The following GRIK2 variants were observed in gnomAD, a reference collection of about 807,000 sequenced individuals.
GRIK2 encodes the protein glutamate receptor ionotropic, kainate 2.
GRIK2 carries 32 observed loss-of-function variants against 100.3 expected under a neutral mutation model. That is an observed-to-expected ratio of 0.32 (90% CI 0.24 to 0.43). GRIK2 has a LOEUF of 0.43. Ranked by LOEUF, GRIK2 falls within the 20% of genes least tolerant of loss-of-function variation. The pLI is 1.00. For synonymous variants in GRIK2, 417 were observed against 389.4 expected (o/e 1.07, Z -0.83); for missense variants, 843 against 1,114.9 (o/e 0.76, Z 3.47).
chr6:101,700,516 TATC>T (rs1398523351), intron 7 of GRIK2, among the ~76,000 whole-genome samples: 1 of 152,124 alleles, frequency 6.6e-6, no homozygotes, highest in African/African-American at 2.4e-5. Flanking sequence ...CCTTGCTAAA[TATC>T]ATGCAATTTG....
intron 9 of GRIK2, among the ~76,000 whole-genome samples, chr6:101,806,263 T>C (rs115210675): frequency 9.9e-4 from 151 of 152,182 alleles, no homozygotes; most frequent in African/African-American, 3.4e-3. Flanking sequence ...ACAGAATAAG[T>C]GATTTTCCAA....
chr6:101,799,898 T>A, intron 8 of GRIK2, 107 bp downstream of exon 8: 2 of 855,366 alleles, frequency 2.3e-6, no homozygotes, highest in East Asian at 2.6e-5. Context: ...ATGTTTAATT[T>A]AAATTTTCTC....
At chr6:101,415,796 G>A (rs1456184403) in intron 2 of GRIK2, among the ~76,000 whole-genome samples, 2 of 152,080 alleles carry the variant, frequency 1.3e-5, no homozygotes, top group African/African-American at 4.8e-5. Flanking sequence ...CTGGCTCTCC[G>A]GCCTTTGAGC....
At chr6:102,060,735 T>A (rs1440081720) in intron 16 of GRIK2, among the ~76,000 whole-genome samples, 1 of 150,754 alleles carries the variant, frequency 6.6e-6, no homozygotes, top group Non-Finnish European at 1.5e-5. Context: ...ATGTAAGAAA[T>A]TTTAGCTGAA....
chr6:101,626,363 C>G lies in GRIK2; in HGVS notation c.284-17C>G, dbSNP rs149259256. 2.2e-4 allele frequency: 351 copies of G among 1,604,672 alleles called. 2 individuals are homozygous for G. In the African/African-American group the frequency reaches 4.0e-3, roughly 18 times the overall value. On this transcript the variant is annotated splice_polypyrimidine_tract_variant and intron_variant, in intron 3 of 16. Coordinates refer to ENST00000369134, the MANE Select transcript of GRIK2 (RefSeq NM_021956.5). The stretch of plus-strand genomic sequence containing the variant: ...ACCTCTCCTCTCATTATTGACAGAC[C>G]TTTATCTCCTCTTCAGCCTGTGATC...
At chr6:101,736,415 G>C (rs1191032766) in intron 7 of GRIK2, among the ~76,000 whole-genome samples, 1 of 152,156 alleles carries the variant, frequency 6.6e-6, no homozygotes, top group Non-Finnish European at 1.5e-5. Flanking sequence ...TTCTGCTTGG[G>C]CATCCAGGTG....
chr6:101,639,671 A>G (rs551697497), intron 4 of GRIK2, among the ~76,000 whole-genome samples: 1 of 152,136 alleles, frequency 6.6e-6, no homozygotes, highest in African/African-American at 2.4e-5. Context: ...GCTACTCAAC[A>G]TTCTATAAAC....
intron 11 of GRIK2, among the ~76,000 whole-genome samples, chr6:101,859,865 A>T (rs56340245): frequency 0.067 from 10,181 of 152,234 alleles, 475 homozygotes; most frequent in Non-Finnish European, 0.091. Flanking sequence ...GAGAGGGAGA[A>T]ATGACCTATG....
rs376629997 is a variant in GRIK2 at position 102,028,388 on chromosome 6, A to C, written c.2086-6953A>C. Among the ~76,000 whole-genome samples the C allele has an allele frequency of 4.6e-5, 7 of 151,418 alleles. No individual in the cohort carries two copies. In the South Asian group the frequency reaches 6.2e-4, roughly 13 times the overall value. On this transcript the variant is annotated intron_variant, in intron 14 of 16. Coordinates refer to ENST00000369134, the MANE Select transcript of GRIK2 (RefSeq NM_021956.5). ...TATTGGTTTGTGCTGATGTAGAAAAAAACAAATCGGCTTACAAGCCTCGGC... is the reference window on the plus strand; with the variant it reads ...TATTGGTTTGTGCTGATGTAGAAAACAACAAATCGGCTTACAAGCCTCGGC...
intron 9 of GRIK2, among the ~76,000 whole-genome samples, chr6:101,811,966 A>C (rs943496345): frequency 2.0e-5 from 3 of 151,588 alleles, no homozygotes; most frequent in Admixed American, 1.3e-4. Flanking sequence ...ATAAAACAAA[A>C]TTATATGAAT....
At chr6:101,596,891 A>G (rs534783177) in intron 2 of GRIK2, among the ~76,000 whole-genome samples, 63 of 151,988 alleles carry the variant, frequency 4.1e-4, no homozygotes, top group Middle Eastern at 3.4e-3. Flanking sequence ...ATTACAGGCT[A>G]TATACCCAAA....
intron 2 of GRIK2, among the ~76,000 whole-genome samples, chr6:101,578,614 A>G (rs908902298): frequency 2.6e-5 from 4 of 151,694 alleles, no homozygotes; most frequent in East Asian, 1.9e-4. Context: ...AGAGGTAGCC[A>G]GGAGGGGATA....
At chr6:101,570,804 A>T (rs968205240) in intron 2 of GRIK2, among the ~76,000 whole-genome samples, 3 of 152,096 alleles carry the variant, frequency 2.0e-5, no homozygotes, top group Non-Finnish European at 2.9e-5. Context: ...GGGAGTCTTG[A>T]CTTTATTGAC....
chr6:101,401,347 G>A (rs1050156828), intron 2 of GRIK2, among the ~76,000 whole-genome samples: 1 of 152,004 alleles, frequency 6.6e-6, no homozygotes, highest in Non-Finnish European at 1.5e-5. Flanking sequence ...AGCAGAGTGC[G>A]TAGCAGCTTT....
At chr6:101,762,302 G>A (rs902759088) in intron 7 of GRIK2, among the ~76,000 whole-genome samples, 3 of 151,958 alleles carry the variant, frequency 2.0e-5, no homozygotes, top group Admixed American at 6.6e-5. Context: ...AGCCTCCCAA[G>A]TAGCTGGGAC....
At chr6:101,698,907 G>T (rs1415499828) in intron 7 of GRIK2, among the ~76,000 whole-genome samples, 1 of 152,086 alleles carries the variant, frequency 6.6e-6, no homozygotes, top group African/African-American at 2.4e-5. Flanking sequence ...CACAACTTGA[G>T]AATGTTATGT....
chr6:101,730,169 C>T (rs17062422), intron 7 of GRIK2, among the ~76,000 whole-genome samples: 5,439 of 151,976 alleles, frequency 0.036, 166 homozygotes, highest in East Asian at 0.12. Flanking sequence ...TGTACTTTAT[C>T]ATGTCCAAAT....
chr6:101,488,901 C>T (rs1772964382), intron 2 of GRIK2, among the ~76,000 whole-genome samples: 2 of 145,660 alleles, frequency 1.4e-5, no homozygotes, highest in Non-Finnish European at 3.0e-5. Context: ...CTTTATAATT[C>T]TGAGGGTCTA....
chr6:101,993,155 T>G (rs1012969761), intron 14 of GRIK2: 1 of 151,000 alleles, frequency 6.6e-6, no homozygotes, highest in Non-Finnish European at 1.5e-5. Context: ...TTACTCTACA[T>G]ATTCTTCTTC....
Sources: allele counts gnomAD v4.1 joint callset (sites outside exome capture counted in the v4.1 genomes callset), GRCh38; gene constraint gnomAD v4.1.1; transcripts MANE v1.5; gene names NCBI Gene and HGNC (gene_info 2026-07-23, HGNC 2026-07-21).